The following CELF4 variants were observed in gnomAD, a reference collection of about 807,000 sequenced individuals.
CELF4 encodes the protein CUG-BP- and ETR-3-like factor 4.
Under a neutral mutation model 59.9 loss-of-function variants are expected in CELF4, and 18 were observed. The observed-to-expected ratio is 0.30, with a 90% CI of 0.21 to 0.45. The LOEUF (loss-of-function observed/expected upper bound fraction) is 0.45, where lower values mean the gene tolerates loss of function less well. CELF4 is among the 20% of genes least tolerant of loss of function. The probability of loss-of-function intolerance (pLI) is 1.00; values close to 1 mark genes in which losing one functional copy is unlikely to be tolerated. For missense variants in CELF4, 456 were observed against 689.0 expected, an observed-to-expected ratio of 0.66 and a Z score of 3.79; for synonymous variants, 261 against 267.1, an observed-to-expected ratio of 0.98 and a Z score of 0.22.
intron 2 of CELF4, among the ~76,000 whole-genome samples, chr18:37,412,441 G>A (rs1182415859): frequency 6.6e-6 from 1 of 152,188 alleles, no homozygotes; most frequent in African/African-American, 2.4e-5. Context: ...TGGATGGATG[G>A]ATGCATGCAT....
intron 2 of CELF4, among the ~76,000 whole-genome samples, chr18:37,361,899 C>T (rs78792590): frequency 0.012 from 1,777 of 152,062 alleles, 12 homozygotes; most frequent in Non-Finnish European, 0.019. Context: ...TTGAGAGCAC[C>T]GGGAAGAGAA....
chr18:37,550,891 A>G (rs959947574), intron 1 of CELF4, among the ~76,000 whole-genome samples: 7 of 152,220 alleles, frequency 4.6e-5, no homozygotes, highest in African/African-American at 1.4e-4. Flanking sequence ...GGCAACAGAG[A>G]TGGTAACGCA....
chr18:37,546,143 A>G (rs1183710789), intron 1 of CELF4, among the ~76,000 whole-genome samples: 1 of 152,136 alleles, frequency 6.6e-6, no homozygotes, highest in Non-Finnish European at 1.5e-5. Flanking sequence ...TGTTTTTTAC[A>G]TGCACTTGGT....
chr18:37,356,641 C>T (rs77315924), intron 2 of CELF4, among the ~76,000 whole-genome samples: 5 of 152,296 alleles, frequency 3.3e-5, no homozygotes, highest in Non-Finnish European at 5.9e-5. Context: ...CCAACATCAA[C>T]GAAGGGGCCC....
chr18:37,361,535 C>T (rs151159293), intron 2 of CELF4, among the ~76,000 whole-genome samples: 232 of 152,252 alleles, frequency 1.5e-3, no homozygotes, highest in African/African-American at 5.3e-3. Context: ...ATATGCAAAT[C>T]GAGAGTCTTG....
At chr18:37,492,600 TGAGA>T (rs1406598159) in intron 1 of CELF4, among the ~76,000 whole-genome samples, 1 of 152,148 alleles carries the variant, frequency 6.6e-6, no homozygotes, top group Non-Finnish European at 1.5e-5. Flanking sequence ...TGCTGCCACG[TGAGA>T]GAGAGGCAGC....
intron 2 of CELF4, among the ~76,000 whole-genome samples, chr18:37,481,517 G>A (rs1434612631): frequency 1.3e-5 from 2 of 152,220 alleles, no homozygotes. Flanking sequence ...CCAATGGCTG[G>A]AGGAGCTGCG....
intron 9 of CELF4, 104 bp downstream of exon 9, chr18:37,266,424 TCCCCA>T: frequency 8.9e-7 from 1 of 1,123,572 alleles, no homozygotes. Flanking sequence ...CCACTCTCTC[TCCCCA>T]CCCCATGCAG....
intron 3 of CELF4, among the ~76,000 whole-genome samples, chr18:37,313,057 C>T (rs1306527747): frequency 2.0e-5 from 3 of 152,144 alleles, no homozygotes; most frequent in African/African-American, 4.8e-5. Context: ...TGGGGGTCTC[C>T]GGCTCTGAGG....
chr18:37,381,706 GCTGA>G (rs1259614714), intron 2 of CELF4, among the ~76,000 whole-genome samples: 1 of 152,148 alleles, frequency 6.6e-6, no homozygotes, highest in East Asian at 1.9e-4. Flanking sequence ...TAGCTGCTTT[GCTGA>G]CTAAGGAGAC....
chr18:37,483,176 G>A (rs1465619483), intron 2 of CELF4, among the ~76,000 whole-genome samples: 4 of 152,100 alleles, frequency 2.6e-5, no homozygotes, highest in South Asian at 4.2e-4. Flanking sequence ...CACTTTCTCT[G>A]ATCTCAAAGG....
At chr18:37,467,978 T>A (rs1355221548) in intron 2 of CELF4, among the ~76,000 whole-genome samples, 1 of 151,766 alleles carries the variant, frequency 6.6e-6, no homozygotes, top group Non-Finnish European at 1.5e-5. Flanking sequence ...GTTGTGTGTA[T>A]GTGCGTGCAT....
intron 11 of CELF4, among the ~76,000 whole-genome samples, chr18:37,257,085 G>T (rs1786064): frequency 9.3e-5 from 14 of 150,942 alleles, no homozygotes; most frequent in Admixed American, 3.3e-4. Context: ...TAATTAGAGA[G>T]AAAAAAAAAC....
At chr18:37,550,012 G>A (rs1232717256) in intron 1 of CELF4, among the ~76,000 whole-genome samples, 1 of 146,048 alleles carries the variant, frequency 6.8e-6, no homozygotes, top group Non-Finnish European at 1.5e-5. Flanking sequence ...AACAGCTGAA[G>A]CTGGGAGGAA....
At chr18:37,480,857 AAAAG>A (rs1357102395) in intron 2 of CELF4, among the ~76,000 whole-genome samples, 10 of 152,208 alleles carry the variant, frequency 6.6e-5, no homozygotes, top group Admixed American at 5.9e-4. Flanking sequence ...AGAAGAAAGA[AAAAG>A]AAAAAGAAAG....
At chr18:37,530,140 A>C (rs1340213535) in intron 1 of CELF4, among the ~76,000 whole-genome samples, 4 of 152,346 alleles carry the variant, frequency 2.6e-5, no homozygotes, top group Non-Finnish European at 4.4e-5. Context: ...GCCTTCCTGC[A>C]CTTCGGGTGA....
chr18:37,559,745 T>C (rs1316375801), intron 1 of CELF4, among the ~76,000 whole-genome samples: 1 of 152,120 alleles, frequency 6.6e-6, no homozygotes, highest in Non-Finnish European at 1.5e-5. Context: ...AAGGCCTCAC[T>C]CAGAAGCCCC....
At chr18:37,480,861 GAAAA>G (rs1569569601) in intron 2 of CELF4, among the ~76,000 whole-genome samples, 2 of 152,124 alleles carry the variant, frequency 1.3e-5, no homozygotes, top group East Asian at 3.9e-4. Flanking sequence ...GAAAGAAAAA[GAAAA>G]AGAAAGAAAG....
chr18:37,344,044 C>A (rs1216902843), intron 2 of CELF4, among the ~76,000 whole-genome samples: 1 of 152,198 alleles, frequency 6.6e-6, no homozygotes, highest in Non-Finnish European at 1.5e-5. Flanking sequence ...TTAGCATCAA[C>A]CTTTTACCCC....
Sources: gnomAD v4.1 joint callset for allele counts (sites outside exome capture counted in the v4.1 genomes callset) on GRCh38, gnomAD v4.1.1 for gene constraint, MANE v1.5 for transcripts, NCBI Gene and HGNC (gene_info 2026-07-23, HGNC 2026-07-21) for gene names.